The following SPAG17 variants were observed in gnomAD, a reference collection of about 807,000 sequenced individuals.
The protein encoded by SPAG17 is sperm-associated antigen 17.
A neutral mutation model predicts 273.6 loss-of-function variants in SPAG17; 169 were observed. The ratio of observed to expected loss-of-function variants is 0.62; its 90% CI spans 0.55 to 0.70. SPAG17 has a LOEUF of 0.70. Among genes scored for constraint, SPAG17 ranks in the 30% least tolerant of loss-of-function variants. The probability of loss-of-function intolerance (pLI) is 0.00; values close to 1 mark genes in which losing one functional copy is unlikely to be tolerated. For synonymous variants in SPAG17, 825 were observed against 873.2 expected (o/e 0.94, Z 0.97); for missense variants, 2,557 against 2,627.8 (o/e 0.97, Z 0.59).
chr1:118,002,590 T>G (rs1315272977), intron 32 of SPAG17, among the ~76,000 whole-genome samples: 1 of 152,218 alleles, frequency 6.6e-6, no homozygotes, highest in Non-Finnish European at 1.5e-5. Context: ...GCCTTCTTTG[T>G]CTCTTTTGAT....
At chr1:118,110,700 G>A (rs115415044) in intron 4 of SPAG17, among the ~76,000 whole-genome samples, 444 of 152,272 alleles carry the variant, frequency 2.9e-3, no homozygotes, top group African/African-American at 0.01. Context: ...TTTAACCTGA[G>A]GATGTTAAAT....
At chr1:118,053,045 A>AT (rs964105722) in intron 20 of SPAG17, among the ~76,000 whole-genome samples, 13 of 152,200 alleles carry the variant, frequency 8.5e-5, no homozygotes, top group African/African-American at 2.4e-4. Context: ...GTTATGTAGG[A>AT]TGAGAACTGA....
intron 48 of SPAG17, 163 bp from the exon 49 acceptor site, chr1:117,954,212 A>C (rs979156404): frequency 1.1e-6 from 1 of 886,838 alleles, no homozygotes. Context: ...ATGGAATAGA[A>C]TCTTTCCAAC....
intron 43 of SPAG17, among the ~76,000 whole-genome samples, chr1:117,978,328 C>T (rs1369166229): frequency 6.6e-6 from 1 of 152,200 alleles, no homozygotes; most frequent in Non-Finnish European, 1.5e-5. Context: ...TCTCTCTCTT[C>T]TCTCCTGTCA....
intron 17 of SPAG17, among the ~76,000 whole-genome samples, chr1:118,073,517 A>G (rs944224262): frequency 1.2e-4 from 18 of 152,162 alleles, no homozygotes. Context: ...AACAATATGG[A>G]AAAAAATAAG....
At chr1:117,983,950 T>A in intron 41 of SPAG17, 37 bp from the exon 42 acceptor site, 1 of 1,060,382 alleles carries the variant, frequency 9.4e-7, no homozygotes, top group Non-Finnish European at 1.4e-6. Context: ...GACTTATACA[T>A]GGCTGAAATT....
chr1:118,023,342 G>C lies in SPAG17; in HGVS notation c.4031C>G (p.Ser1344Ter). 1 of 1,611,882 alleles carries C rather than the reference G, an allele frequency of 6.2e-7. No homozygotes were observed. The highest frequency in any genetic ancestry group is 8.5e-7 in the Non-Finnish European group (1 of 1,178,674). The change falls in exon 28 of 49, where the codon TCA becomes TGA. Residue 1344 changes from serine (S) to a stop codon, truncating the protein, a stop_gained. Transcript: ENST00000336338. LOFTEE classifies it high-confidence loss of function. ...GGTAATCTCAGATGGTATCGTTTCT[G>C]ATTTCTGCTGAGAAATAGAGTCCAT... ...DLMDSISQQK[S>*]ETIPSEITNT...
At chr1:118,151,421 T>G in intron 1 of SPAG17, 52 bp from the exon 2 acceptor site, 1 of 1,469,064 alleles carries the variant, frequency 6.8e-7, no homozygotes, top group South Asian at 1.4e-5. Context: ...ATAGGTCATT[T>G]CGTGTCAAAT....
Position 118,025,344 on chromosome 1 carries a change from T to G in SPAG17, c.3803A>C (p.His1268Pro). 6.2e-7 allele frequency: 1 copy of G among 1,613,350 alleles called. No homozygotes were observed. The highest frequency in any genetic ancestry group is 1.1e-5 in the South Asian group (1 of 90,984). Residue 1268 changes from histidine (H) to proline (P), a missense_variant, in exon 27 of 49, where the codon CAC becomes CCC. By Grantham distance (77) the His-to-Pro change is moderately conservative (BLOSUM62 -2). Transcript: ENST00000336338. ...CATCACCGTTTTATAGAACTCATAG[T>G]GCTTCACCCTCTGGGGGTAGCTCTG... ...VRQSYPQRVK[H>P]YEFYKTVMPP... is the part of the protein sequence containing the mutation.
In SPAG17 at chr1:118,041,836, G is replaced by A. The variant is rs781579084; in HGVS notation, c.3021C>T (p.Ser1007=). 1.5e-5 allele frequency: 25 copies of A among 1,613,450 alleles called. No homozygotes were observed. Among genetic ancestry groups the A allele is most frequent in the Non-Finnish European group, 2.1e-5 (25 of 1,179,754 alleles). ...QVKIQEVTEE[S]PHQPEPKITY... ...TTATCTTAGGTTCTGGTTGGTGGGGGGACTCTTCTGTTACTTCTTGGATCT... is the reference window on the plus strand; with the variant it reads ...TTATCTTAGGTTCTGGTTGGTGGGGAGACTCTTCTGTTACTTCTTGGATCT... Residue 1007 remains serine (S), a synonymous_variant, in exon 21 of 49, where the codon TCC becomes TCT. Coordinates refer to ENST00000336338, the MANE Select transcript of SPAG17 (RefSeq NM_206996.4).
intron 15 of SPAG17, among the ~76,000 whole-genome samples, chr1:118,078,487 T>C (rs1225363764): frequency 6.6e-6 from 1 of 152,144 alleles, no homozygotes; most frequent in African/African-American, 2.4e-5. Context: ...CTAATTTTTT[T>C]GTGTATTGTT....
chr1:118,071,979 A>G (rs1456299754), intron 17 of SPAG17, among the ~76,000 whole-genome samples: 1 of 152,220 alleles, frequency 6.6e-6, no homozygotes, highest in Non-Finnish European at 1.5e-5. Context: ...TTGCCAGAAC[A>G]ATACATAGAA....
At position 118,097,754 on chromosome 1, in the gene SPAG17, T is replaced by C; in HGVS notation, c.927A>G (p.Glu309=). The C allele has an allele frequency of 6.2e-7, 1 of 1,611,434 alleles. No homozygotes were observed. Among genetic ancestry groups the C allele is most frequent in the East Asian group, 2.2e-5 (1 of 44,636 alleles). Residue 309 remains glutamate (E), a synonymous_variant, in exon 7 of 49, where the codon GAA becomes GAG. Coordinates refer to ENST00000336338, the MANE Select transcript of SPAG17 (RefSeq NM_206996.4). ...LEPVLNNEKP[E]TNLFDVARLE... ...GTCGAGCAACATCAAAGAGATTTGTTTCAGGTTTCTCATTATTCAGGACTG... is the reference window on the plus strand; with the variant it reads ...GTCGAGCAACATCAAAGAGATTTGTCTCAGGTTTCTCATTATTCAGGACTG...
chr1:118,176,270 T>C (rs1158852059), intron 1 of SPAG17, among the ~76,000 whole-genome samples: 1 of 152,188 alleles, frequency 6.6e-6, no homozygotes, highest in African/African-American at 2.4e-5. Context: ...AATTCTCTAA[T>C]TGTAATGGCT....
chr1:118,086,699 G>A lies in SPAG17; in HGVS notation c.1583C>T (p.Ala528Val). 6.2e-7 allele frequency: 1 copy of A among 1,614,132 alleles called. No homozygotes were observed. Residue 528 changes from alanine (A) to valine (V), a missense_variant, in exon 12 of 49, where the codon GCA becomes GTA. Physicochemically the swap from Ala to Val is moderately conservative, Grantham distance 64. Transcript: ENST00000336338. ...TAGTGCGTACTTCTTGTGGGCGTGT[G>A]CATCATGATAGTTCAGTAGGAGGGG... ...KGPLLLNYHD[A>V]HAHKKYALQD...
In SPAG17 at chr1:118,055,718, G is replaced by C. The variant is rs2102000850; in HGVS notation, c.2722+15C>G. Reference sequence around the variant, plus strand: ...TTGAATTTTATTCTACGTATAAGTTGAACTGGTTACTTACTTTTAGATTCT... The same window carrying C: ...TTGAATTTTATTCTACGTATAAGTTCAACTGGTTACTTACTTTTAGATTCT... On this transcript the variant is annotated intron_variant, in intron 19 of 48. Transcript: ENST00000336338. The C allele has an allele frequency of 6.3e-7, 1 of 1,578,986 alleles. No individual in the cohort carries two copies. The highest frequency in any genetic ancestry group is 1.7e-5 in the Admixed American group (1 of 58,898).
chr1:118,167,204 TTC>T (rs1660210209), intron 1 of SPAG17, among the ~76,000 whole-genome samples: 2 of 152,226 alleles, frequency 1.3e-5, no homozygotes, highest in African/African-American at 2.4e-5. Context: ...CTTTAACAAA[TTC>T]TCTGATTTTT....
At position 118,092,003 on chromosome 1, in the gene SPAG17, C is replaced by G; in HGVS notation, c.1174-1G>C. On this transcript the variant is annotated splice_acceptor_variant, in intron 8 of 48. Transcript: ENST00000336338. LOFTEE classifies it high-confidence loss of function. ...GAGCTGGTACAGCAGGTTGTGGAGC[C>G]TAGAAAAAGAATAATTAAAAAGAAA... 1 of 1,612,990 alleles carries G rather than the reference C, an allele frequency of 6.2e-7. No individual in the cohort carries two copies. The highest frequency in any genetic ancestry group is 8.5e-7 in the Non-Finnish European group (1 of 1,179,320).
In SPAG17 at chr1:118,055,861, T is replaced by G. The variant is rs367745310; in HGVS notation, c.2594A>C (p.Glu865Ala). The G allele has an allele frequency of 3.1e-6, 5 of 1,612,238 alleles. No individual in the cohort carries two copies. Among genetic ancestry groups the G allele is most frequent in the East Asian group, 2.2e-5 (1 of 44,762 alleles). ...CATTTTAGATTCCTGATATATAGCT[T>G]CTTCTTTTGTAATCCAATCTTGAAT... is the stretch of plus-strand genomic sequence containing the variant. ...KSIQDWITKE[E>A]AIYQESKMNE... The change falls in exon 19 of 49, where the codon GAA becomes GCA. Residue 865 changes from glutamate to alanine, a missense_variant. Physicochemically the swap from Glu to Ala is moderately radical, Grantham distance 107 (BLOSUM62 -1). Coordinates refer to ENST00000336338, the MANE Select transcript of SPAG17 (RefSeq NM_206996.4).
Sources: gnomAD v4.1 joint callset for allele counts (sites outside exome capture counted in the v4.1 genomes callset) on GRCh38, gnomAD v4.1.1 for gene constraint, MANE v1.5 for transcripts, NCBI Gene and HGNC (gene_info 2026-07-23, HGNC 2026-07-21) for gene names.